The following DYNC1I1 variants were observed in gnomAD, a reference collection of about 807,000 sequenced individuals.
DYNC1I1 encodes cytoplasmic dynein 1 intermediate chain 1.
DYNC1I1 carries 43 observed loss-of-function variants against 86.6 expected under a neutral mutation model. The observed-to-expected ratio is 0.50, with a 90% confidence interval of 0.39 to 0.64. The LOEUF (loss-of-function observed/expected upper bound fraction) is 0.64, where lower values mean the gene tolerates loss of function less well. DYNC1I1 is among the 30% of genes least tolerant of loss of function. The pLI is 0.00. For synonymous variants in DYNC1I1, 262 were observed against 283.7 expected (o/e 0.92, Z 0.77); for missense variants, 604 against 788.8 (o/e 0.77, Z 2.81).
At chr7:96,030,961 T>C (rs1469740287) in intron 11 of DYNC1I1, among the ~76,000 whole-genome samples, 1 of 152,150 alleles carries the variant, frequency 6.6e-6, no homozygotes, top group African/African-American at 2.4e-5. Context: ...TATGTGCAGA[T>C]CCACTAAGGC....
intron 10 of DYNC1I1, among the ~76,000 whole-genome samples, chr7:96,002,010 A>G (rs1431516272): frequency 6.6e-6 from 1 of 152,228 alleles, no homozygotes; most frequent in Non-Finnish European, 1.5e-5. Context: ...TTGCTAGGAT[A>G]TATTCCTGAA....
intron 10 of DYNC1I1, among the ~76,000 whole-genome samples, chr7:96,024,075 G>A (rs1479729126): frequency 6.6e-6 from 1 of 152,084 alleles, no homozygotes; most frequent in African/African-American, 2.4e-5. Context: ...TTACATATGA[G>A]CTCATCGTAT....
intron 6 of DYNC1I1, among the ~76,000 whole-genome samples, chr7:95,921,857 T>C (rs1161101629): frequency 6.6e-6 from 1 of 152,210 alleles, no homozygotes; most frequent in Non-Finnish European, 1.5e-5. Context: ...AATAGTTTAG[T>C]CATTTTGAAA....
At chr7:96,070,068 A>G (rs1394045984) in intron 14 of DYNC1I1, among the ~76,000 whole-genome samples, 1 of 152,194 alleles carries the variant, frequency 6.6e-6, no homozygotes, top group African/African-American at 2.4e-5. Flanking sequence ...CACGATACAC[A>G]CAGGTAAAGA....
chr7:95,927,410 T>G (rs1584167254), intron 6 of DYNC1I1, among the ~76,000 whole-genome samples: 1 of 152,100 alleles, frequency 6.6e-6, no homozygotes, highest in East Asian at 1.9e-4. Context: ...AAGGGAAGTG[T>G]TAGGGATGGG....
At chr7:95,798,575 G>A (rs1195291822) in intron 1 of DYNC1I1, among the ~76,000 whole-genome samples, 1 of 152,138 alleles carries the variant, frequency 6.6e-6, no homozygotes, top group African/African-American at 2.4e-5. Context: ...TTATTTCTGG[G>A]TATTTTTTCA....
chr7:95,789,414 T>C (rs955187626), intron 1 of DYNC1I1, among the ~76,000 whole-genome samples: 6 of 152,242 alleles, frequency 3.9e-5, no homozygotes, highest in African/African-American at 1.4e-4. Flanking sequence ...GTAAGGTAGC[T>C]GGAAAAGTTG....
intron 13 of DYNC1I1, 83 bp from the exon 14 acceptor site, chr7:96,039,194 G>A (rs1318433886): frequency 6.8e-7 from 1 of 1,467,000 alleles, no homozygotes; most frequent in Non-Finnish European, 9.2e-7. Flanking sequence ...CAGAGTTGAG[G>A]GTTTTTTGTT....
intron 5 of DYNC1I1, among the ~76,000 whole-genome samples, chr7:95,865,197 G>A (rs1789986110): frequency 6.6e-6 from 1 of 152,166 alleles, no homozygotes; most frequent in South Asian, 2.1e-4. Context: ...CCAAATATAT[G>A]AAGCTTTATT....
chr7:95,896,215 G>A (rs1018798856), intron 6 of DYNC1I1, among the ~76,000 whole-genome samples: 2 of 152,120 alleles, frequency 1.3e-5, no homozygotes, highest in East Asian at 1.9e-4. Context: ...AGGCTTGCTC[G>A]GTGAAGAGCC....
intron 16 of DYNC1I1, among the ~76,000 whole-genome samples, chr7:96,093,569 T>C (rs1341667280): frequency 6.6e-6 from 1 of 152,188 alleles, no homozygotes; most frequent in Non-Finnish European, 1.5e-5. Flanking sequence ...AAATGCTTTA[T>C]ATGTTTAGCA....
At chr7:96,010,236 C>A (rs549217107) in intron 10 of DYNC1I1, among the ~76,000 whole-genome samples, 1 of 152,090 alleles carries the variant, frequency 6.6e-6, no homozygotes, top group African/African-American at 2.4e-5. Flanking sequence ...GTGGTTGACC[C>A]GGAACACCCC....
intron 4 of DYNC1I1, among the ~76,000 whole-genome samples, chr7:95,816,744 G>A (rs1794955536): frequency 6.6e-6 from 1 of 152,044 alleles, no homozygotes; most frequent in African/African-American, 2.4e-5. Flanking sequence ...AAAAATGCAA[G>A]GTTATTTTAG....
intron 7 of DYNC1I1, among the ~76,000 whole-genome samples, chr7:95,984,266 A>G (rs1343335015): frequency 6.6e-6 from 1 of 152,162 alleles, no homozygotes; most frequent in Non-Finnish European, 1.5e-5. Context: ...TTGGAATGAT[A>G]TATCTCTGCT....
intron 9 of DYNC1I1, 88 bp downstream of exon 9, chr7:95,987,243 C>T (rs761257077): frequency 8.5e-6 from 10 of 1,177,060 alleles, no homozygotes; most frequent in Admixed American, 3.9e-5. Context: ...TACTTGCCTA[C>T]GATTTCCTCT....
intron 1 of DYNC1I1, among the ~76,000 whole-genome samples, chr7:95,792,838 A>G (rs923027471): frequency 2.0e-5 from 3 of 151,418 alleles, no homozygotes; most frequent in African/African-American, 7.3e-5. Context: ...AGGGGGCATC[A>G]GGTTAAACAT....
chr7:96,016,374 C>CTAG (rs1794402872), intron 10 of DYNC1I1, among the ~76,000 whole-genome samples: 1 of 150,718 alleles, frequency 6.6e-6, no homozygotes, highest in Admixed American at 6.6e-5. Context: ...CTAATGTGGG[C>CTAG]TAGTCCATGA....
chr7:96,018,413 A>C (rs1562973107), intron 10 of DYNC1I1, among the ~76,000 whole-genome samples: 1 of 152,218 alleles, frequency 6.6e-6, no homozygotes, highest in Non-Finnish European at 1.5e-5. Flanking sequence ...TTCCTAATCC[A>C]AAAAATATAT....
At chr7:95,832,878 C>G (rs1308865022) in intron 5 of DYNC1I1, among the ~76,000 whole-genome samples, 1 of 152,118 alleles carries the variant, frequency 6.6e-6, no homozygotes, top group Non-Finnish European at 1.5e-5. Context: ...AGCCCTTTGT[C>G]AGATGAGTGG....
Sources: allele counts gnomAD v4.1 joint callset (sites outside exome capture counted in the v4.1 genomes callset), GRCh38; gene constraint gnomAD v4.1.1; transcripts MANE v1.5; gene names NCBI Gene and HGNC (gene_info 2026-07-23, HGNC 2026-07-21).